The following ALDH1L2 variants were observed in gnomAD, a reference collection of about 807,000 sequenced individuals.
ALDH1L2 encodes the protein aldehyde dehydrogenase 1 family member L2.
In ALDH1L2, 91 loss-of-function variants were observed where a neutral mutation model predicts 111.0. That is an observed-to-expected ratio of 0.82 (90% CI 0.69 to 0.98). The LOEUF is 0.98. Among genes scored for constraint, ALDH1L2 ranks in the 50% least tolerant of loss-of-function variants. The probability of loss-of-function intolerance (pLI) is 0.00; values close to 1 mark genes in which losing one functional copy is unlikely to be tolerated. For missense variants in ALDH1L2, 995 were observed against 1,126.8 expected, an observed-to-expected ratio of 0.88 and a Z score of 1.67; for synonymous variants, 374 against 392.6, an observed-to-expected ratio of 0.95 and a Z score of 0.56.
At chr12:105,067,400 C>T (rs1343050157) in intron 4 of ALDH1L2, among the ~76,000 whole-genome samples, 1 of 151,950 alleles carries the variant, frequency 6.6e-6, no homozygotes, top group Non-Finnish European at 1.5e-5. Flanking sequence ...CTTAGTGATT[C>T]ACTGGAAATG....
At chr12:105,041,775 G>A (rs902765061) in intron 15 of ALDH1L2, among the ~76,000 whole-genome samples, 5 of 152,060 alleles carry the variant, frequency 3.3e-5, no homozygotes, top group Admixed American at 6.6e-5. Context: ...GGTTATCATC[G>A]TTTACTATTG....
intron 21 of ALDH1L2, among the ~76,000 whole-genome samples, chr12:105,028,126 T>G (rs1401723963): frequency 2.0e-5 from 3 of 152,168 alleles, no homozygotes; most frequent in Non-Finnish European, 4.4e-5. Context: ...TGTTTTTCTT[T>G]TTGAGATGGA....
chr12:105,047,047 C>T (rs1341598114), intron 13 of ALDH1L2, 78 bp from the exon 14 acceptor site: 5 of 1,488,950 alleles, frequency 3.4e-6, no homozygotes, highest in Non-Finnish European at 4.7e-6. Flanking sequence ...CATTTTCTGT[C>T]TTCCTCTCTT....
intron 21 of ALDH1L2, among the ~76,000 whole-genome samples, chr12:105,029,792 C>T (rs934228924): frequency 6.6e-6 from 1 of 152,026 alleles, no homozygotes; most frequent in Admixed American, 6.6e-5. Flanking sequence ...GTTTTATGAG[C>T]TCAGTTAGCA....
At chr12:105,050,955 A>G (rs1251873434) in intron 12 of ALDH1L2, among the ~76,000 whole-genome samples, 2 of 152,148 alleles carry the variant, frequency 1.3e-5, no homozygotes, top group Non-Finnish European at 2.9e-5. Flanking sequence ...AAATCATATC[A>G]TTGCTCTAGG....
Position 105,035,889 on chromosome 12 carries a change from G to A in ALDH1L2, c.2146-1491C>T, listed in dbSNP as rs868794041. On this transcript the variant is annotated intron_variant, in intron 18 of 22. Transcript: ENST00000258494. ...TGTATACACACACACATATATATACGTATATTTATATGTGTATATATATTA... is the reference window on the plus strand; with the variant it reads ...TGTATACACACACACATATATATACATATATTTATATGTGTATATATATTA... Among the ~76,000 whole-genome samples the A allele has an allele frequency of 3.9e-4, 47 of 120,646 alleles. 7 individuals carry two copies. The highest frequency in any genetic ancestry group is 1.1e-3 in the African/African-American group (31 of 28,790). The allele number at this position is 120,646 out of a possible 152,430, so 79.1% of individuals were successfully genotyped here.
chr12:105,068,923 CTG>C, intron 3 of ALDH1L2, 39 bp from the exon 4 acceptor site: 1 of 1,459,100 alleles, frequency 6.9e-7, no homozygotes. Context: ...TGTTGGTTAA[CTG>C]TATCATAAAG....
chr12:105,026,662 CTTTG>C lies in ALDH1L2; in HGVS notation c.2595_2598del (p.Asn865LysfsTer5). 6.2e-7 allele frequency: 1 copy of C among 1,614,150 alleles called. No individual in the cohort carries two copies. Among genetic ancestry groups the C allele is most frequent in the South Asian group, 1.1e-5 (1 of 91,086 alleles). On this transcript the variant is annotated frameshift_variant, in exon 22 of 23. Coordinates refer to ENST00000258494, the MANE Select transcript of ALDH1L2 (RefSeq NM_001034173.4). LOFTEE classifies it high-confidence loss of function. Reference sequence around the variant, plus strand: ...TCCAGTTTTTCACTCACATACATAGCTTTGTTTATGTCTCTTGTAAAAACCCCTG... The same window carrying C: ...TCCAGTTTTTCACTCACATACATAGCTTTATGTCTCTTGTAAAAACCCCTG...
intron 6 of ALDH1L2, among the ~76,000 whole-genome samples, chr12:105,063,926 GC>G (rs1218557182): frequency 6.6e-6 from 1 of 151,268 alleles, no homozygotes. Context: ...CTTACTCTAG[GC>G]CCAGGGCTAA....
At chr12:105,038,868 G>T (rs950562697) in intron 17 of ALDH1L2, among the ~76,000 whole-genome samples, 2 of 152,034 alleles carry the variant, frequency 1.3e-5, no homozygotes, top group Non-Finnish European at 2.9e-5. Context: ...TAGAAATTTT[G>T]GTTACATAAA....
intron 21 of ALDH1L2, chr12:105,029,981 T>C (rs1023114662): frequency 1.2e-5 from 2 of 160,198 alleles, no homozygotes; most frequent in African/African-American, 4.8e-5. Context: ...GAAATAAGAT[T>C]TCACAGATGC....
intron 22 of ALDH1L2, among the ~76,000 whole-genome samples, chr12:105,025,503 G>C (rs1874365700): frequency 6.6e-6 from 1 of 152,190 alleles, no homozygotes; most frequent in Admixed American, 6.5e-5. Context: ...GTCTCCTACA[G>C]TGATTTGGAT....
intron 15 of ALDH1L2, among the ~76,000 whole-genome samples, chr12:105,043,897 T>A (rs960099908): frequency 6.6e-6 from 1 of 152,232 alleles, no homozygotes; most frequent in Non-Finnish European, 1.5e-5. Context: ...CATGAAAATC[T>A]GTGCTTTCTT....
chr12:105,037,921 C>T (rs1875256920), intron 18 of ALDH1L2, among the ~76,000 whole-genome samples, 182 bp downstream of exon 18: 1 of 152,038 alleles, frequency 6.6e-6, no homozygotes, highest in Admixed American at 6.6e-5. Context: ...CCCACCACCA[C>T]GCACGGCTAA....
chr12:105,025,550 T>TG lies in ALDH1L2; in HGVS notation c.2716+994dup, dbSNP rs927814817. On this transcript the variant is annotated intron_variant, in intron 22 of 22. Coordinates refer to ENST00000258494, the MANE Select transcript of ALDH1L2 (RefSeq NM_001034173.4). Reference sequence around the variant, plus strand: ...AACCAGATTAAAGACATGGAAAAGTTGGGGGGGAAGCCCTTACCTTCACCC... The same window carrying TG: ...AACCAGATTAAAGACATGGAAAAGTTGGGGGGGGAAGCCCTTACCTTCACCC... 3.9e-5 allele frequency among the ~76,000 whole-genome samples: 6 copies of TG among 152,064 alleles called. No individual in the cohort carries two copies. In the East Asian group the frequency reaches 5.8e-4, roughly 15 times the overall value.
chr12:105,025,063 G>T (rs574803818), intron 22 of ALDH1L2, among the ~76,000 whole-genome samples: 2 of 152,298 alleles, frequency 1.3e-5, no homozygotes, highest in East Asian at 3.9e-4. Flanking sequence ...AAATAGGTCT[G>T]CCTTTCTTTG....
chr12:105,067,085 G>A (rs1461195966), intron 4 of ALDH1L2, among the ~76,000 whole-genome samples: 4 of 151,874 alleles, frequency 2.6e-5, no homozygotes, highest in Admixed American at 6.6e-5. Flanking sequence ...GCGTGGTGGT[G>A]GGCGCCTGTA....
At chr12:105,080,789 AT>A (rs1878300848) in intron 1 of ALDH1L2, among the ~76,000 whole-genome samples, 1 of 152,202 alleles carries the variant, frequency 6.6e-6, no homozygotes, top group Non-Finnish European at 1.5e-5. Context: ...AAATGTTCAG[AT>A]TTTAAAGCAT....
At chr12:105,035,147 G>C (rs1462338544) in intron 18 of ALDH1L2, among the ~76,000 whole-genome samples, 1 of 151,888 alleles carries the variant, frequency 6.6e-6, no homozygotes, top group Non-Finnish European at 1.5e-5. Flanking sequence ...GTAGAGACAG[G>C]GTCTCACTAT....
Sources: gnomAD v4.1 joint callset for allele counts (sites outside exome capture counted in the v4.1 genomes callset) on GRCh38, gnomAD v4.1.1 for gene constraint, MANE v1.5 for transcripts, NCBI Gene and HGNC (gene_info 2026-07-23, HGNC 2026-07-21) for gene names.